Variants in AGPS observed in about 807,000 individuals in gnomAD.
AGPS encodes the protein alkylglycerone phosphate synthase.
AGPS carries 26 observed loss-of-function variants against 90.7 expected under a neutral mutation model. The observed-to-expected ratio is 0.29, with a 90% confidence interval of 0.21 to 0.40. The LOEUF (loss-of-function observed/expected upper bound fraction) is 0.40, where lower values mean the gene tolerates loss of function less well. Among genes scored for constraint, AGPS ranks in the 10% least tolerant of loss-of-function variants. AGPS has a pLI of 1.00. For missense variants in AGPS, 540 were observed against 816.1 expected, an observed-to-expected ratio of 0.66 and a Z score of 4.12; for synonymous variants, 294 against 285.3, an observed-to-expected ratio of 1.03 and a Z score of -0.31.
chr2:177,415,165 A>G (rs1685751708), intron 1 of AGPS, among the ~76,000 whole-genome samples: 1 of 152,114 alleles, frequency 6.6e-6, no homozygotes, highest in Non-Finnish European at 1.5e-5. Flanking sequence ...TTGCTGCATT[A>G]ATATTTCATG....
intron 11 of AGPS, among the ~76,000 whole-genome samples, chr2:177,492,888 G>T (rs1291813796): frequency 7.0e-6 from 1 of 143,360 alleles, no homozygotes. Context: ...AGCTTTTTCT[G>T]CTGATAAATT....
chr2:177,522,141 T>C (rs933634648), intron 18 of AGPS, among the ~76,000 whole-genome samples: 3 of 152,158 alleles, frequency 2.0e-5, no homozygotes, highest in Non-Finnish European at 4.4e-5. Flanking sequence ...ATATTTAATG[T>C]GTACAGTTTT....
At chr2:177,413,316 A>G (rs1348642274) in intron 1 of AGPS, among the ~76,000 whole-genome samples, 3 of 152,238 alleles carry the variant, frequency 2.0e-5, no homozygotes, top group Non-Finnish European at 4.4e-5. Flanking sequence ...AAAATGGCAT[A>G]TAGATTTTTG....
At chr2:177,469,310 G>A (rs1299067242) in intron 10 of AGPS, among the ~76,000 whole-genome samples, 1 of 152,028 alleles carries the variant, frequency 6.6e-6, no homozygotes, top group Non-Finnish European at 1.5e-5. Context: ...ATATATTTTG[G>A]TAACATTTAG....
At chr2:177,468,969 A>T (rs1574394014) in intron 10 of AGPS, among the ~76,000 whole-genome samples, 1 of 152,224 alleles carries the variant, frequency 6.6e-6, no homozygotes, top group South Asian at 2.1e-4. Context: ...TCTGGTTCAC[A>T]TATATTTTAA....
At chr2:177,471,253 T>G (rs1687616302) in intron 10 of AGPS, among the ~76,000 whole-genome samples, 1 of 152,208 alleles carries the variant, frequency 6.6e-6, no homozygotes, top group South Asian at 2.1e-4. Flanking sequence ...TAAACTTTTC[T>G]TGAGCTTTAA....
chr2:177,508,103 G>C, intron 16 of AGPS, 72 bp downstream of exon 16: 1 of 1,151,908 alleles, frequency 8.7e-7, no homozygotes, highest in Non-Finnish European at 1.3e-6. Context: ...GTTTCTTTTT[G>C]TGTGAATATG....
chr2:177,445,467 C>T (rs1686742237), intron 7 of AGPS, 79 bp from the exon 8 acceptor site: 1 of 1,267,898 alleles, frequency 7.9e-7, no homozygotes, highest in African/African-American at 1.5e-5. Context: ...CCACTTGTTG[C>T]TTTGAATTAG....
In AGPS at chr2:177,482,133, G is replaced by C. The variant is rs1405692008; in HGVS notation, c.1180G>C (p.Ala394Pro). Residue 394 changes from alanine (A) to proline (P), a missense_variant, in exon 11 of 20, where the codon GCT becomes CCT. This residue lies in a region of AGPS where 405 missense variants were observed against 692.1 expected (regional missense o/e 0.59). Transcript: ENST00000264167. ...VPEYQKYGSV[A>P]FPNFEQGVAC... is the part of the protein sequence containing the mutation. ...TGAATACCAAAAGTATGGCTCAGTA[G>C]CTTTCCCTAATTTTGAACAAGGAGT... The C allele has an allele frequency of 6.2e-7, 1 of 1,604,732 alleles. No individual in the cohort carries two copies. Among genetic ancestry groups the C allele is most frequent in the Non-Finnish European group, 8.5e-7 (1 of 1,174,150 alleles).
chr2:177,476,470 C>T (rs749645275), intron 10 of AGPS, among the ~76,000 whole-genome samples: 4 of 151,994 alleles, frequency 2.6e-5, no homozygotes, highest in Non-Finnish European at 5.9e-5. Context: ...TATTAGTTAG[C>T]TTTCCAATTT....
At chr2:177,492,771 G>C (rs1369304522) in intron 11 of AGPS, among the ~76,000 whole-genome samples, 1 of 152,164 alleles carries the variant, frequency 6.6e-6, no homozygotes, top group East Asian at 1.9e-4. Context: ...CATAATACTT[G>C]AGGCACTGGA....
rs1686433305 is a variant in AGPS at position 177,437,008 on chromosome 2, C to T, written c.591C>T (p.Leu197=). 3 of 1,613,160 alleles carry T rather than the reference C, an allele frequency of 1.9e-6. No individual in the cohort carries two copies. The highest frequency in any genetic ancestry group is 8.5e-7 in the Non-Finnish European group (1 of 1,179,694). Residue 197 remains leucine (L), a synonymous_variant, in exon 5 of 20, where the codon CTC becomes CTT. Transcript: ENST00000264167. Reference sequence around the variant, plus strand: ...ATTGTCTTCATGAGATATTTTTGCTCAGGGAAGGAATGTTTGAGCGAATTC... The same window carrying T: ...ATTGTCTTCATGAGATATTTTTGCTTAGGGAAGGAATGTTTGAGCGAATTC... ...HGHCLHEIFL[L]REGMFERIPD...
intron 1 of AGPS, among the ~76,000 whole-genome samples, chr2:177,412,442 C>T (rs1214804710): frequency 6.6e-6 from 1 of 152,190 alleles, no homozygotes; most frequent in Non-Finnish European, 1.5e-5. Flanking sequence ...CAGATCAATG[C>T]TCCCAACCCA....
chr2:177,460,490 G>C (rs1293449079), intron 8 of AGPS, among the ~76,000 whole-genome samples: 1 of 152,186 alleles, frequency 6.6e-6, no homozygotes, highest in South Asian at 2.1e-4. Flanking sequence ...TGTACTTAAA[G>C]ATTTGCTTCT....
chr2:177,505,594 C>T lies in AGPS; in HGVS notation c.1545+19C>T. On this transcript the variant is annotated intron_variant, in intron 15 of 19. Transcript: ENST00000264167. ...CATTCGAGTAAGTTATATCATATTT[C>T]CCTTGCCACTTAATTTATGTTGCAA... 1 of 1,589,952 alleles carries T rather than the reference C, an allele frequency of 6.3e-7. No individual in the cohort carries two copies. Among genetic ancestry groups the T allele is most frequent in the Non-Finnish European group, 8.6e-7 (1 of 1,159,118 alleles).
At chr2:177,492,728 T>A (rs1194862140) in intron 11 of AGPS, among the ~76,000 whole-genome samples, 3 of 151,982 alleles carry the variant, frequency 2.0e-5, no homozygotes, top group South Asian at 2.1e-4. Context: ...CTACCTTTAC[T>A]GTGGATAAAA....
chr2:177,406,102 T>A (rs1171301636), intron 1 of AGPS, among the ~76,000 whole-genome samples: 1 of 152,210 alleles, frequency 6.6e-6, no homozygotes, highest in African/African-American at 2.4e-5. Flanking sequence ...ACAAATCAGA[T>A]GGACTCCAAG....
At chr2:177,495,715 C>T (rs1400880988) in intron 12 of AGPS, among the ~76,000 whole-genome samples, 1 of 149,606 alleles carries the variant, frequency 6.7e-6, no homozygotes, top group East Asian at 2.0e-4. Flanking sequence ...TGAGACTAGC[C>T]TGGCCAACAT....
At chr2:177,473,449 G>GT (rs1687685633) in intron 10 of AGPS, among the ~76,000 whole-genome samples, 2 of 152,002 alleles carry the variant, frequency 1.3e-5, no homozygotes, top group Non-Finnish European at 2.9e-5. Context: ...AGAAAATTCT[G>GT]AAGTTTATTG....
Sources: allele counts gnomAD v4.1 joint callset (sites outside exome capture counted in the v4.1 genomes callset), GRCh38; gene constraint gnomAD v4.1.1; regional missense constraint gnomAD v4.1.1; transcripts MANE v1.5; gene names NCBI Gene and HGNC (gene_info 2026-07-23, HGNC 2026-07-21).